Variants in OAS3 observed in about 807,000 individuals in gnomAD.
OAS3 encodes 2'-5'-oligoadenylate synthetase 3.
In OAS3, 107 loss-of-function variants were observed where a neutral mutation model predicts 113.0. The ratio of observed to expected loss-of-function variants is 0.95; its 90% confidence interval spans 0.81 to 1.11. The LOEUF (loss-of-function observed/expected upper bound fraction) is 1.11, where lower values mean the gene tolerates loss of function less well. Among genes scored for constraint, OAS3 ranks in the 50% most tolerant of loss-of-function variants. The pLI, the probability that OAS3 is intolerant of heterozygous loss-of-function variation, is 0.00. For missense variants in OAS3, 1,258 were observed against 1,389.1 expected, an observed-to-expected ratio of 0.91 and a Z score of 1.50; for synonymous variants, 552 against 573.6, an observed-to-expected ratio of 0.96 and a Z score of 0.54.
chr12:112,958,491 CT>C (rs1440774831), intron 7 of OAS3, among the ~76,000 whole-genome samples: 1 of 152,234 alleles, frequency 6.6e-6, no homozygotes. Flanking sequence ...TACCTTTGGT[CT>C]TTGATGATGG....
In OAS3 at chr12:112,944,619, C is replaced by A; in HGVS notation, c.604C>A (p.Leu202Ile). Residue 202 changes from leucine to isoleucine, a missense_variant, in exon 3 of 16, where the codon CTA becomes ATA. Transcript: ENST00000228928. ...CATTCGCCCAGCCAAGTTGAAGAAC[C>A]TAATCTTGCTGGTGAAGCACTGGTA... ...VNIRPAKLKN[L>I]ILLVKHWYHQ... 6.2e-7 allele frequency: 1 copy of A among 1,614,070 alleles called. No individual in the cohort carries two copies. The highest frequency in any genetic ancestry group is 2.2e-5 in the East Asian group (1 of 44,892).
intron 13 of OAS3, 81 bp from the exon 14 acceptor site, chr12:112,967,855 G>A (rs2043949783): frequency 6.7e-7 from 1 of 1,483,860 alleles, no homozygotes; most frequent in Non-Finnish European, 9.0e-7. Flanking sequence ...TTTTGGGGTT[G>A]CTTTGCCAAG....
chr12:112,949,112 C>A lies in OAS3; in HGVS notation c.1281C>A (p.Ser427Arg). Residue 427 changes from serine (S) to arginine (R), a missense_variant, in exon 6 of 16, where the codon AGC becomes AGA. By Grantham distance (110) the Ser-to-Arg change is moderately radical. Transcript: ENST00000228928. ...TCATCCAGGACCACCTGAAGCCGAG[C>A]CCCCAGTTCCAGGAGCAGGTGAAAA... is the stretch of plus-strand genomic sequence containing the variant. ...DRFIQDHLKP[S>R]PQFQEQVKKA... is the part of the protein sequence containing the mutation. 1 of 1,613,950 alleles carries A rather than the reference C, an allele frequency of 6.2e-7. No individual in the cohort carries two copies. Among genetic ancestry groups the A allele is most frequent in the East Asian group, 2.2e-5 (1 of 44,870 alleles).
chr12:112,941,471 T>A (rs1159723982), intron 1 of OAS3, 99 bp from the exon 2 acceptor site: 1 of 1,345,040 alleles, frequency 7.4e-7, no homozygotes, highest in Non-Finnish European at 1.0e-6. Flanking sequence ...GTGGCCACAG[T>A]CTCTCCCCAG....
intron 12 of OAS3, 60 bp from the exon 13 acceptor site, chr12:112,967,358 G>A (rs1294880324): frequency 6.6e-7 from 1 of 1,505,498 alleles, no homozygotes; most frequent in African/African-American, 1.4e-5. Context: ...TCCTTTCTAA[G>A]TTGGCCCCAC....
Position 112,969,834 on chromosome 12 carries a change from A to C in OAS3, c.3252+79A>C, listed in dbSNP as rs1007881318. 10 of 1,593,856 alleles carry C rather than the reference A, an allele frequency of 6.3e-6. No homozygotes were observed. The South Asian group carries it at 1.1e-4, about 18-fold the overall frequency. On this transcript the variant is annotated intron_variant, in intron 15 of 15. Coordinates refer to ENST00000228928, the MANE Select transcript of OAS3 (RefSeq NM_006187.4). ...TGGTCAGGGGAGGGACATGATTCCC[A>C]CTAAAGGGGCAGGGCCCAGTGATGG...
At position 112,949,105 on chromosome 12, in the gene OAS3, A is replaced by G. The variant is rs370216996; in HGVS notation, c.1274A>G (p.Lys425Arg). The G allele has an allele frequency of 8.1e-6, 13 of 1,613,888 alleles. No homozygotes were observed. Among genetic ancestry groups the G allele is most frequent in the Non-Finnish European group, 1.1e-5 (13 of 1,179,906 alleles). Residue 425 changes from lysine to arginine, a missense_variant, in exon 6 of 16, where the codon AAG becomes AGG. Physicochemically the swap from Lys to Arg is conservative, Grantham distance 26 (BLOSUM62 2). Transcript: ENST00000228928. Reference protein sequence around the residue: ...ELDRFIQDHLKPSPQFQEQVK... With the variant: ...ELDRFIQDHLRPSPQFQEQVK... ...GACCGCTTCATCCAGGACCACCTGA[A>G]GCCGAGCCCCCAGTTCCAGGAGCAG...
At chr12:112,967,908 C>T in intron 13 of OAS3, 28 bp from the exon 14 acceptor site, 3 of 1,603,822 alleles carry the variant, frequency 1.9e-6, no homozygotes, top group East Asian at 2.2e-5. Context: ...CCAATATGAA[C>T]CAACATATCT....
chr12:112,968,320 A>G, intron 14 of OAS3, 146 bp downstream of exon 14: 1 of 1,160,612 alleles, frequency 8.6e-7, no homozygotes, highest in Non-Finnish European at 1.2e-6. Flanking sequence ...CCTGAGGGAC[A>G]AACGGTCAAT....
At chr12:112,941,904 C>A in intron 2 of OAS3, 52 bp downstream of exon 2, 1 of 1,608,038 alleles carries the variant, frequency 6.2e-7, no homozygotes, top group South Asian at 1.1e-5. Context: ...TCATTGGGAA[C>A]AACACAGGAC....
chr12:112,954,126 T>C lies in OAS3; in HGVS notation c.1657+3151T>C, dbSNP rs1048439076. ...TCTAGGGTTTTTATGGTTTTAGGTC[T>C]AAGATGTAAGTCTTTAATCCATCTT... On this transcript the variant is annotated intron_variant, in intron 7 of 15. Transcript: ENST00000228928. This position sits in a 1 kb window ranked among gnomAD's most constrained non-coding sequence, Gnocchi z 4.0. 2.0e-5 allele frequency among the ~76,000 whole-genome samples: 3 copies of C among 152,270 alleles called. No homozygotes were observed. The highest frequency in any genetic ancestry group is 6.5e-5 in the Admixed American group (1 of 15,292).
In OAS3 at chr12:112,941,868, A is replaced by C; in HGVS notation, c.460+16A>C. The C allele has an allele frequency of 6.2e-7, 1 of 1,613,896 alleles. No homozygotes were observed. The highest frequency in any genetic ancestry group is 8.5e-7 in the Non-Finnish European group (1 of 1,179,844). ...AATGTCCTGGGTGAGGGGTTCCTAG[A>C]CCATTCCAGGGTTGGGGGCAAAAGA... On this transcript the variant is annotated intron_variant, in intron 2 of 15. Transcript: ENST00000228928.
chr12:112,961,146 A>G lies in OAS3; in HGVS notation c.1733A>G (p.Glu578Gly). 1 of 1,613,340 alleles carries G rather than the reference A, an allele frequency of 6.2e-7. No individual in the cohort carries two copies. Residue 578 changes from glutamate (E) to glycine (G), a missense_variant, in exon 8 of 16, where the codon GAG becomes GGG. Glu to Gly is a moderately conservative substitution (Grantham distance 98, BLOSUM62 -2). Transcript: ENST00000228928. Reference sequence around the variant, plus strand: ...CTCACCAGTGGCTGCCAGGAGGGCGAGCATAAGGCCTGCTTCGCAGAGCTG... The same window carrying G: ...CTCACCAGTGGCTGCCAGGAGGGCGGGCATAAGGCCTGCTTCGCAGAGCTG... Reference protein sequence around the residue: ...RLLTSGCQEGEHKACFAELRR... With the variant: ...RLLTSGCQEGGHKACFAELRR...
At chr12:112,969,243 C>G in intron 14 of OAS3, 1 of 210,058 alleles carries the variant, frequency 4.8e-6, no homozygotes, top group Non-Finnish European at 9.7e-6. Context: ...ATTTGAAGTC[C>G]AAAACACTTC....
rs375000505 is a variant in OAS3 at position 112,968,175 on chromosome 12, G to A, written c.3104+1G>A. On this transcript the variant is annotated splice_donor_variant, in intron 14 of 15. Coordinates refer to ENST00000228928, the MANE Select transcript of OAS3 (RefSeq NM_006187.4). LOFTEE classifies it high-confidence loss of function. ...TGAAACAGCAGCTTCAGAAGCCCAG[G>A]TTCAGGTCTACCCCCAATGTTCCAG... The A allele has an allele frequency of 6.2e-6, 10 of 1,611,174 alleles. No individual in the cohort carries two copies. Among genetic ancestry groups the A allele is most frequent in the Non-Finnish European group, 8.5e-6 (10 of 1,178,050 alleles).
chr12:112,949,111 G>A lies in OAS3; in HGVS notation c.1280G>A (p.Ser427Asn), dbSNP rs2043764731. The A allele has an allele frequency of 1.2e-6, 2 of 1,613,924 alleles. No homozygotes were observed. The highest frequency in any genetic ancestry group is 1.7e-6 in the Non-Finnish European group (2 of 1,179,882). The change falls in exon 6 of 16, where the codon AGC becomes AAC. Residue 427 changes from serine (S) to asparagine (N), a missense_variant. Coordinates refer to ENST00000228928, the MANE Select transcript of OAS3 (RefSeq NM_006187.4). ...DRFIQDHLKP[S>N]PQFQEQVKKA... ...TTCATCCAGGACCACCTGAAGCCGA[G>A]CCCCCAGTTCCAGGAGCAGGTGAAA...
intron 8 of OAS3, among the ~76,000 whole-genome samples, chr12:112,961,793 T>G (rs1019799453): frequency 1.3e-5 from 2 of 150,694 alleles, no homozygotes; most frequent in African/African-American, 5.0e-5. Flanking sequence ...AATACATTCT[T>G]TCATAGCCTT....
At position 112,961,392 on chromosome 12, in the gene OAS3, A is replaced by G. The variant is rs1032561892; in HGVS notation, c.1833+146A>G. 1.8e-5 allele frequency: 13 copies of G among 722,546 alleles called. No individual in the cohort carries two copies. The Admixed American group carries it at 2.1e-4, about 12-fold the overall frequency. 44.8% of individuals were successfully genotyped at this position (722,546 alleles called of 1,614,324 possible). The stretch of plus-strand genomic sequence containing the variant: ...GAAGGACCGGCCTCCTCCATCCTCC[A>G]TTTCCTGCCCAGATCTGGAAGCCAC... On this transcript the variant is annotated intron_variant, in intron 8 of 15. Coordinates refer to ENST00000228928, the MANE Select transcript of OAS3 (RefSeq NM_006187.4).
Position 112,950,925 on chromosome 12 carries a change from C to A in OAS3, c.1607C>A (p.Ala536Asp). Residue 536 changes from alanine to aspartate, a missense_variant, in exon 7 of 16, where the codon GCC becomes GAC. Physicochemically the swap from Ala to Asp is moderately radical, Grantham distance 126. Coordinates refer to ENST00000228928, the MANE Select transcript of OAS3 (RefSeq NM_006187.4). The stretch of plus-strand genomic sequence containing the variant: ...CTGCAGTTCCAGCTGGTGTCCACAG[C>A]CCTGAAGAGCTGGACGGATGTTAGC... ...EALQFQLVSTALKSWTDVSLL... is the reference protein window; with the variant it reads ...EALQFQLVSTDLKSWTDVSLL... 6.2e-7 allele frequency: 1 copy of A among 1,613,970 alleles called. No homozygotes were observed. The highest frequency in any genetic ancestry group is 8.5e-7 in the Non-Finnish European group (1 of 1,179,894).
Sources: gnomAD v4.1 joint callset for allele counts (sites outside exome capture counted in the v4.1 genomes callset) on GRCh38, gnomAD v4.1.1 for gene constraint, Gnocchi (gnomAD v3.1) non-coding constraint, MANE v1.5 for transcripts, NCBI Gene and HGNC (gene_info 2026-07-23, HGNC 2026-07-21) for gene names.